Variants in DCUN1D5 observed in about 807,000 individuals in gnomAD.
The protein encoded by DCUN1D5 is DCN1-like protein 5.
A neutral mutation model predicts 38.3 loss-of-function variants in DCUN1D5; 10 were observed. That is an observed-to-expected ratio of 0.26 (90% CI 0.16 to 0.44). The LOEUF (loss-of-function observed/expected upper bound fraction) is 0.44. DCUN1D5 is among the 20% of genes least tolerant of loss of function. The pLI is 1.00. For synonymous variants in DCUN1D5, 93 were observed against 90.9 expected (o/e 1.02, Z -0.13); for missense variants, 148 against 275.3 (o/e 0.54, Z 3.27).
At position 103,056,484 on chromosome 11, in the gene DCUN1D5, A is replaced by C. The variant is rs1187557320; in HGVS notation, c.*5875T>G. On this transcript the variant is annotated 3_prime_UTR_variant, in exon 8 of 8. Transcript: ENST00000260247. The surrounding 1 kb of genome is among the most constrained non-coding windows in gnomAD (Gnocchi z 4.9). Reference sequence around the variant, plus strand: ...AGGCCTCTGCTCAATGTCACATATCAGTGTACATGCTACTTAATAGTAATC... The same window carrying C: ...AGGCCTCTGCTCAATGTCACATATCCGTGTACATGCTACTTAATAGTAATC... Among the ~76,000 whole-genome samples the C allele has an allele frequency of 6.6e-6, 1 of 152,190 alleles. No homozygotes were observed. The highest frequency in any genetic ancestry group is 2.4e-5 in the African/African-American group (1 of 41,442).
intron 2 of DCUN1D5, among the ~76,000 whole-genome samples, chr11:103,085,366 G>A (rs1357122167): frequency 6.6e-6 from 1 of 152,204 alleles, no homozygotes; most frequent in Non-Finnish European, 1.5e-5. Context: ...TAACCTAGGT[G>A]GCAGAGGTTG....
At position 103,062,711 on chromosome 11, in the gene DCUN1D5, C is replaced by T. The variant is rs541744256; in HGVS notation, c.659-297G>A. On this transcript the variant is annotated intron_variant, in intron 7 of 7. Coordinates refer to ENST00000260247, the MANE Select transcript of DCUN1D5 (RefSeq NM_032299.4). This position sits in a 1 kb window ranked among gnomAD's most constrained non-coding sequence, Gnocchi z 4.6. ...CCTTTTTCTAAGTGTCCATAGCATT[C>T]TGGCATTTAATTATGAAACAATCTG... 2.2e-4 allele frequency among the ~76,000 whole-genome samples: 34 copies of T among 152,178 alleles called. 1 individual carries two copies. In the South Asian group the frequency reaches 5.8e-3, roughly 26 times the overall value.
In DCUN1D5 at chr11:103,091,156, A is replaced by C. The variant is rs1591233918; in HGVS notation, c.86+631T>G. ...GAATGCTAGAAGACAAAAAGCATGCAGGGCCTTTCCAACTCTGCACACAGG... is the reference window on the plus strand; with the variant it reads ...GAATGCTAGAAGACAAAAAGCATGCCGGGCCTTTCCAACTCTGCACACAGG... On this transcript the variant is annotated intron_variant, in intron 1 of 7. Coordinates refer to ENST00000260247, the MANE Select transcript of DCUN1D5 (RefSeq NM_032299.4). This position sits in a 1 kb window ranked among gnomAD's most constrained non-coding sequence, Gnocchi z 4.3. 6.6e-6 allele frequency among the ~76,000 whole-genome samples: 1 copy of C among 152,098 alleles called. No individual in the cohort carries two copies. Among genetic ancestry groups the C allele is most frequent in the African/African-American group, 2.4e-5 (1 of 41,422 alleles).
chr11:103,061,439 GAT>G lies in DCUN1D5; in HGVS notation c.*918_*919del, dbSNP rs1862006674. On this transcript the variant is annotated 3_prime_UTR_variant, in exon 8 of 8. Coordinates refer to ENST00000260247, the MANE Select transcript of DCUN1D5 (RefSeq NM_032299.4). Reference sequence around the variant, plus strand: ...TGATTACCAACAGGCAGAAAATTGTGATAATTAGCAAGCTGCAATACTACCAA... The same window carrying G: ...TGATTACCAACAGGCAGAAAATTGTGAATTAGCAAGCTGCAATACTACCAA... Among the ~76,000 whole-genome samples, 2 of 151,992 alleles carry G rather than the reference GAT, an allele frequency of 1.3e-5. No individual in the cohort carries two copies. The highest frequency in any genetic ancestry group is 2.4e-5 in the African/African-American group (1 of 41,378).
Position 103,063,142 on chromosome 11 carries a change from G to C in DCUN1D5, c.659-728C>G, listed in dbSNP as rs972590121. 4.6e-5 allele frequency among the ~76,000 whole-genome samples: 7 copies of C among 152,070 alleles called. No homozygotes were observed. Among genetic ancestry groups the C allele is most frequent in the Admixed American group, 4.6e-4 (7 of 15,262 alleles). ...GTAAGAAAAGCAGCAGAGCACATAT[G>C]ATAATAAATGGCAACTGAAAAACAG... On this transcript the variant is annotated intron_variant, in intron 7 of 7. Transcript: ENST00000260247. The surrounding 1 kb of genome is among the most constrained non-coding windows in gnomAD (Gnocchi z 4.6).
chr11:103,084,056 A>T (rs1448009093), intron 2 of DCUN1D5, among the ~76,000 whole-genome samples: 1 of 152,186 alleles, frequency 6.6e-6, no homozygotes, highest in Non-Finnish European at 1.5e-5. Context: ...CCTTAGCAAC[A>T]TTAATAAATC....
intron 4 of DCUN1D5, among the ~76,000 whole-genome samples, chr11:103,079,153 TGC>T (rs1447256803): frequency 6.6e-6 from 1 of 152,196 alleles, no homozygotes; most frequent in Middle Eastern, 3.2e-3. Flanking sequence ...CTAGGTTGCA[TGC>T]GCCTTATGAG....
rs1028472090 is a variant in DCUN1D5 at position 103,065,297 on chromosome 11, A to G, written c.556-920T>C. Among the ~76,000 whole-genome samples the G allele has an allele frequency of 7.2e-5, 11 of 152,010 alleles. No individual in the cohort carries two copies. The highest frequency in any genetic ancestry group is 2.7e-4 in the African/African-American group (11 of 41,382). On this transcript the variant is annotated intron_variant, in intron 6 of 7. Coordinates refer to ENST00000260247, the MANE Select transcript of DCUN1D5 (RefSeq NM_032299.4). The surrounding 1 kb of genome is among the most constrained non-coding windows in gnomAD (Gnocchi z 4.6). ...CTCCCGAGTAGCTGGGACTACAGGC[A>G]CAAACCACCACACCCAGCTAATTTT...
In DCUN1D5 at chr11:103,054,978, G is replaced by C. The variant is rs891712676; in HGVS notation, c.*7381C>G. The C allele has an allele frequency of 6.6e-5, 10 of 152,050 alleles. No homozygotes were observed. Among genetic ancestry groups the C allele is most frequent in the Non-Finnish European group, 1.2e-4 (8 of 67,980 alleles). The allele number at this position is 152,050 out of a possible 1,614,324, so 9.4% of individuals were successfully genotyped here. The stretch of plus-strand genomic sequence containing the variant: ...TGAATATCTCTTATCCAAAATGCTT[G>C]GGACCGGAAGTGTTTTAGATTTCTT... On this transcript the variant is annotated 3_prime_UTR_variant, in exon 8 of 8. Transcript: ENST00000260247.
In DCUN1D5 at chr11:103,057,819, C is replaced by T. The variant is rs1591198165; in HGVS notation, c.*4540G>A. Among the ~76,000 whole-genome samples the T allele has an allele frequency of 6.6e-6, 1 of 152,074 alleles. No individual in the cohort carries two copies. The highest frequency in any genetic ancestry group is 2.1e-4 in the South Asian group (1 of 4,832). On this transcript the variant is annotated 3_prime_UTR_variant, in exon 8 of 8. Transcript: ENST00000260247. This position sits in a 1 kb window ranked among gnomAD's most constrained non-coding sequence, Gnocchi z 4.8. ...AAATCTGGCTCTCTCTATATATTCACTTCAAGTATTTATTAGCTTTTTAAA... is the reference window on the plus strand; with the variant it reads ...AAATCTGGCTCTCTCTATATATTCATTTCAAGTATTTATTAGCTTTTTAAA...
rs184533146 is a variant in DCUN1D5, at chr11:103,090,351, T to C, written c.87-1033A>G. Among the ~76,000 whole-genome samples, 21 of 152,270 alleles carry C rather than the reference T, an allele frequency of 1.4e-4. No individual in the cohort carries two copies. In the East Asian group the frequency reaches 3.9e-3, roughly 28 times the overall value. On this transcript the variant is annotated intron_variant, in intron 1 of 7. Coordinates refer to ENST00000260247, the MANE Select transcript of DCUN1D5 (RefSeq NM_032299.4). ...TGACAAACAAGAGGTGTATGTATCA[T>C]CGTTCACATTAATAGCCTAATACTC...
Position 103,063,484 on chromosome 11 carries a change from T to C in DCUN1D5, c.658+791A>G, listed in dbSNP as rs1308518699. On this transcript the variant is annotated intron_variant, in intron 7 of 7. Transcript: ENST00000260247. The surrounding 1 kb of genome is among the most constrained non-coding windows in gnomAD (Gnocchi z 4.6). ...CATCTTGTAGAGAGAGGACAAAATATATGTGGGAAGAAATAAAGTTATCCC... is the reference window on the plus strand; with the variant it reads ...CATCTTGTAGAGAGAGGACAAAATACATGTGGGAAGAAATAAAGTTATCCC... 6.6e-6 allele frequency among the ~76,000 whole-genome samples: 1 copy of C among 152,116 alleles called. No homozygotes were observed. The highest frequency in any genetic ancestry group is 1.5e-5 in the Non-Finnish European group (1 of 67,976).
rs1000169709 is a variant in DCUN1D5, at chr11:103,077,490, G to T, written c.341+5258C>A. Among the ~76,000 whole-genome samples the T allele has an allele frequency of 3.9e-5, 6 of 152,126 alleles. No homozygotes were observed. Among genetic ancestry groups the T allele is most frequent in the African/African-American group, 1.4e-4 (6 of 41,412 alleles). The stretch of plus-strand genomic sequence containing the variant: ...CAAATAAAACCACACAGATTTGAGG[G>T]AACACTGGCACAATACAATACACCA... On this transcript the variant is annotated intron_variant, in intron 4 of 7. Coordinates refer to ENST00000260247, the MANE Select transcript of DCUN1D5 (RefSeq NM_032299.4). The surrounding 1 kb of genome is among the most constrained non-coding windows in gnomAD (Gnocchi z 4.3).
chr11:103,092,147 C>T lies in DCUN1D5; in HGVS notation c.-275G>A, dbSNP rs1033456544. The T allele has an allele frequency of 4.8e-5, 20 of 414,752 alleles. No individual in the cohort carries two copies. The highest frequency in any genetic ancestry group is 7.8e-5 in the Non-Finnish European group (18 of 230,236). The allele number at this position is 414,752 out of a possible 1,614,324, so 25.7% of individuals were successfully genotyped here. A position where few individuals can be genotyped will look rare whatever the true frequency, so the allele number is the denominator to read the frequency against. On this transcript the variant is annotated 5_prime_UTR_variant, in exon 1 of 8. Transcript: ENST00000260247. ...AACGCGGACAGCGCGGCAGCTCCAC[C>T]AGTCACAGCAAGCAAGAGGCTCAGC...
rs1358958353 is a variant in DCUN1D5, at chr11:103,064,199, T to A, written c.658+76A>T. On this transcript the variant is annotated intron_variant, in intron 7 of 7. Coordinates refer to ENST00000260247, the MANE Select transcript of DCUN1D5 (RefSeq NM_032299.4). This position sits in a 1 kb window ranked among gnomAD's most constrained non-coding sequence, Gnocchi z 4.5. ...ACAAAGTTTAAAACCTCTATGCTAA[T>A]ACTACACAAATGCATACTCTCATTT... 9.1e-7 allele frequency: 1 copy of A among 1,098,590 alleles called. No homozygotes were observed. The highest frequency in any genetic ancestry group is 1.6e-5 in the African/African-American group (1 of 64,476). 68.1% of individuals were successfully genotyped at this position (1,098,590 alleles called of 1,614,324 possible).
chr11:103,089,363 T>G, intron 1 of DCUN1D5, 45 bp from the exon 2 acceptor site: 1 of 1,491,956 alleles, frequency 6.7e-7, no homozygotes, highest in Non-Finnish European at 9.1e-7. Context: ...ACATCTCAAC[T>G]CTTAGAGAAA....
rs181542207 is a variant in DCUN1D5, at chr11:103,088,415, T to C, written c.178+812A>G. Among the ~76,000 whole-genome samples the C allele has an allele frequency of 3.1e-3, 478 of 152,298 alleles. 3 individuals are homozygous for C. The highest frequency in any genetic ancestry group is 4.7e-3 in the Non-Finnish European group (321 of 68,020). On this transcript the variant is annotated intron_variant, in intron 2 of 7. Transcript: ENST00000260247. Reference sequence around the variant, plus strand: ...TCTAAGGGGAAAAAAATTCCATATATATTTATGAGATAGTATAAGTGTTCT... The same window carrying C: ...TCTAAGGGGAAAAAAATTCCATATACATTTATGAGATAGTATAAGTGTTCT...
At position 103,091,625 on chromosome 11, in the gene DCUN1D5, G is replaced by C; in HGVS notation, c.86+162C>G. 1.5e-6 allele frequency: 2 copies of C among 1,316,250 alleles called. No individual in the cohort carries two copies. Among genetic ancestry groups the C allele is most frequent in the Non-Finnish European group, 2.1e-6 (2 of 945,530 alleles). 81.5% of individuals were successfully genotyped at this position (1,316,250 alleles called of 1,614,324 possible). A position where few individuals can be genotyped will look rare whatever the true frequency, so the allele number is the denominator to read the frequency against. ...ACACACTCGAACACGAGGTCGGGTC[G>C]GGCGCGGAGACTCGCGGTGTTCGGC... is the stretch of plus-strand genomic sequence containing the variant. On this transcript the variant is annotated intron_variant, in intron 1 of 7. Coordinates refer to ENST00000260247, the MANE Select transcript of DCUN1D5 (RefSeq NM_032299.4). This position sits in a 1 kb window ranked among gnomAD's most constrained non-coding sequence, Gnocchi z 4.3.
At position 103,059,308 on chromosome 11, in the gene DCUN1D5, C is replaced by T. The variant is rs987234344; in HGVS notation, c.*3051G>A. ...TGTGCTATTCCACATACCTTGTATG[C>T]CTTGAAAACTCTGGAGTTATCTCAG... On this transcript the variant is annotated 3_prime_UTR_variant, in exon 8 of 8. Transcript: ENST00000260247. 1.3e-5 allele frequency among the ~76,000 whole-genome samples: 2 copies of T among 152,072 alleles called. No homozygotes were observed. Among genetic ancestry groups the T allele is most frequent in the East Asian group, 3.9e-4 (2 of 5,194 alleles).
Sources: allele counts gnomAD v4.1 joint callset (sites outside exome capture counted in the v4.1 genomes callset), GRCh38; gene constraint gnomAD v4.1.1; non-coding constraint Gnocchi (gnomAD v3.1); transcripts MANE v1.5; gene names NCBI Gene and HGNC (gene_info 2026-07-23, HGNC 2026-07-21).